The following EXOC6 variants were observed in gnomAD, a reference collection of about 807,000 sequenced individuals.
EXOC6 encodes the protein exocyst complex component 6.
In EXOC6, 60 loss-of-function variants were observed where a neutral mutation model predicts 112.5. The ratio of observed to expected loss-of-function variants is 0.53; its 90% confidence interval spans 0.43 to 0.66. EXOC6 has a LOEUF of 0.66. Among genes scored for constraint, EXOC6 ranks in the 30% least tolerant of loss-of-function variants. The pLI is 0.00. For missense variants in EXOC6, 855 were observed against 957.1 expected (o/e 0.89, Z 1.41); for synonymous variants, 295 against 308.0 (o/e 0.96, Z 0.44).
chr10:92,956,055 C>A (rs980203), intron 17 of EXOC6, among the ~76,000 whole-genome samples: 47,728 of 151,680 alleles, frequency 0.31, 8,252 homozygotes, highest in East Asian at 0.74. Flanking sequence ...AAATGTAAGA[C>A]AAATTAAAAA....
At chr10:92,940,227 A>G (rs1852579008) in intron 12 of EXOC6, among the ~76,000 whole-genome samples, 1 of 152,140 alleles carries the variant, frequency 6.6e-6, no homozygotes, top group Non-Finnish European at 1.5e-5. Flanking sequence ...GTAAGATTTC[A>G]ATGAGTTTGG....
chr10:92,990,586 C>T (rs999396552), intron 18 of EXOC6, among the ~76,000 whole-genome samples: 10 of 152,106 alleles, frequency 6.6e-5, no homozygotes, highest in Admixed American at 2.0e-4. Flanking sequence ...AGCAAAGCCA[C>T]GTTGTGTTAG....
chr10:92,901,146 C>T (rs1850142446), intron 5 of EXOC6: 1 of 152,070 alleles, frequency 6.6e-6, no homozygotes. Flanking sequence ...TCATGTTGTC[C>T]TTAGGTTATG....
rs150658099 is a variant in EXOC6, at chr10:92,971,775, T to G, written c.1774-2278T>G. Among the ~76,000 whole-genome samples, 852 of 152,346 alleles carry G rather than the reference T, an allele frequency of 5.6e-3. 6 individuals carry two copies. Among genetic ancestry groups the G allele is most frequent in the African/African-American group, 0.017 (704 of 41,582 alleles). The stretch of plus-strand genomic sequence containing the variant: ...TTCCTTTTGTTCTTAAGTTTTTGTC[T>G]TATAAGTTCAACATCTGAGCTGCCT... On this transcript the variant is annotated intron_variant, in intron 17 of 21. Coordinates refer to ENST00000260762, the MANE Select transcript of EXOC6 (RefSeq NM_019053.6).
intron 20 of EXOC6, among the ~76,000 whole-genome samples, chr10:93,036,364 C>G (rs1392700664): frequency 6.6e-6 from 1 of 152,020 alleles, no homozygotes; most frequent in Non-Finnish European, 1.5e-5. Context: ...TAGTTATTTC[C>G]TTTTTGGGGG....
chr10:92,871,806 T>TA (rs1048297964), intron 1 of EXOC6, among the ~76,000 whole-genome samples: 9 of 151,952 alleles, frequency 5.9e-5, no homozygotes, highest in East Asian at 5.8e-4. Context: ...AGATTCCGTC[T>TA]AAAAAAAATA....
rs532734364 is a variant in EXOC6, at chr10:93,045,118, C to T, written c.2170-11806C>T. The stretch of plus-strand genomic sequence containing the variant: ...AAACTTCTGGCCTCAAGTGATCTGC[C>T]GCCTCAGCCTCCTAAAGTGCTGGGA... On this transcript the variant is annotated intron_variant, in intron 20 of 21. Transcript: ENST00000260762. 1.1e-4 allele frequency among the ~76,000 whole-genome samples: 17 copies of T among 152,290 alleles called. No homozygotes were observed. The South Asian group carries it at 3.1e-3, about 28-fold the overall frequency.
At chr10:92,871,625 G>C (rs61426198) in intron 1 of EXOC6, among the ~76,000 whole-genome samples, 4,707 of 151,910 alleles carry the variant, frequency 0.031, 169 homozygotes, top group East Asian at 0.15. Flanking sequence ...TGGCCAACGT[G>C]ATGAAACCCT....
intron 1 of EXOC6, 27 bp from the exon 2 acceptor site, chr10:92,893,322 A>T: frequency 6.6e-7 from 1 of 1,516,846 alleles, no homozygotes; most frequent in Non-Finnish European, 8.9e-7. Flanking sequence ...CATTTTGGTT[A>T]ATTTTAGCTT....
At chr10:92,828,884 T>C (rs1383837116) in intron 1 of EXOC6, among the ~76,000 whole-genome samples, 1 of 151,994 alleles carries the variant, frequency 6.6e-6, no homozygotes, top group African/African-American at 2.4e-5. Context: ...CTTCTACTGA[T>C]AGAGGAGTTA....
chr10:92,897,986 A>G (rs1849922083), intron 4 of EXOC6, among the ~76,000 whole-genome samples: 1 of 152,206 alleles, frequency 6.6e-6, no homozygotes, highest in Non-Finnish European at 1.5e-5. Flanking sequence ...TAATCTTGGC[A>G]AAATAACTTT....
intron 13 of EXOC6, among the ~76,000 whole-genome samples, chr10:92,945,749 C>T (rs61862324): frequency 0.012 from 1,852 of 152,192 alleles, 65 homozygotes; most frequent in Non-Finnish European, 0.01. Context: ...GACAGCATTT[C>T]GCTGTGTTGC....
upstream of EXOC6, among the ~76,000 whole-genome samples, chr10:92,847,143 G>A (rs562067464): frequency 2.0e-5 from 3 of 152,294 alleles, no homozygotes; most frequent in East Asian, 1.9e-4. Context: ...GACTTCTAAC[G>A]TACAGAACTG....
intron 18 of EXOC6, among the ~76,000 whole-genome samples, chr10:92,981,593 C>G (rs1345079999): frequency 6.6e-6 from 1 of 152,112 alleles, no homozygotes; most frequent in African/African-American, 2.4e-5. Context: ...GTTCATTTTT[C>G]TTCCTTTCTA....
chr10:93,008,673 A>G (rs1437688101), intron 19 of EXOC6, among the ~76,000 whole-genome samples: 4 of 152,334 alleles, frequency 2.6e-5, no homozygotes, highest in African/African-American at 9.6e-5. Context: ...CATAGACAAT[A>G]TTAGTAGAAA....
chr10:92,893,470 G>T lies in EXOC6; in HGVS notation c.223G>T (p.Asp75Tyr). 6.2e-7 allele frequency: 1 copy of T among 1,612,982 alleles called. No individual in the cohort carries two copies. The highest frequency in any genetic ancestry group is 8.5e-7 in the Non-Finnish European group (1 of 1,179,298). ...MCNFHHQGFVDAITELLKVRT... is the reference protein window; with the variant it reads ...MCNFHHQGFVYAITELLKVRT... ...TAATTTTCATCATCAGGGTTTTGTA[G>T]ATGCTATTACAGAACTCCTTAAAGT... Residue 75 changes from aspartate (D) to tyrosine (Y), a missense_variant, in exon 2 of 22, where the codon GAT becomes TAT. Physicochemically the swap from Asp to Tyr is radical, Grantham distance 160. Around this residue, in one of 2 missense-constraint regions of EXOC6, gnomAD observed 405 missense variants for 393.6 expected, o/e 1.03. Transcript: ENST00000260762.
At chr10:92,916,002 T>C (rs557312167) in intron 7 of EXOC6, 89 bp downstream of exon 7, 2 of 945,408 alleles carry the variant, frequency 2.1e-6, no homozygotes, top group Non-Finnish European at 3.1e-6. Context: ...AGTCTTCCTG[T>C]ATGCAAAATA....
chr10:92,857,517 AT>A (rs1847658354), intron 1 of EXOC6, among the ~76,000 whole-genome samples: 1 of 152,026 alleles, frequency 6.6e-6, no homozygotes, highest in Admixed American at 6.6e-5. Context: ...ACTGTTTCTG[AT>A]TCTTTTCATT....
At chr10:92,884,030 G>A (rs1849086460) in intron 1 of EXOC6, among the ~76,000 whole-genome samples, 1 of 152,110 alleles carries the variant, frequency 6.6e-6, no homozygotes, top group African/African-American at 2.4e-5. Context: ...CCGAATAGCT[G>A]GGACTACAGG....
Sources: gnomAD v4.1 joint callset for allele counts (sites outside exome capture counted in the v4.1 genomes callset) on GRCh38, gnomAD v4.1.1 for gene constraint, gnomAD v4.1.1 regional missense constraint, MANE v1.5 for transcripts, NCBI Gene and HGNC (gene_info 2026-07-23, HGNC 2026-07-21) for gene names.